PRH1: variants seen among roughly 807,000 people sequenced by gnomAD.
PRH1 encodes proline rich protein HaeIII subfamily 1.
In PRH1, 7 loss-of-function variants were observed where a neutral mutation model predicts 7.9. That is an observed-to-expected ratio of 0.89 (90% CI 0.50 to 1.67). The LOEUF (loss-of-function observed/expected upper bound fraction) is 1.67. PRH1 is among the 40% of genes most tolerant of loss of function. The pLI is 0.00. For missense variants in PRH1, 109 were observed against 223.6 expected (o/e 0.49, Z 3.27); for synonymous variants, 45 against 80.8 (o/e 0.56, Z 2.38).
chr12:11,068,671 A>T (rs187713403), intron 1 of PRH1, among the ~76,000 whole-genome samples: 6 of 152,334 alleles, frequency 3.9e-5, no homozygotes, highest in Admixed American at 3.9e-4. Context: ...CTACCTGTAC[A>T]ACTGCAAGTA....
chr12:10,928,988 T>C (rs1299040836), intron 2 of PRH1, among the ~76,000 whole-genome samples: 1 of 152,212 alleles, frequency 6.6e-6, no homozygotes, highest in Non-Finnish European at 1.5e-5. Context: ...ACTGTGCTGA[T>C]TGCTTGGACA....
chr12:10,985,905 A>G, intron 1 of PRH1: 1 of 1,502,722 alleles, frequency 6.7e-7, no homozygotes, highest in Non-Finnish European at 9.0e-7. Flanking sequence ...CTCCTAGAAT[A>G]CACACACAAT....
intron 1 of PRH1, among the ~76,000 whole-genome samples, chr12:11,158,053 C>T (rs559089993): frequency 9.8e-5 from 15 of 152,316 alleles, no homozygotes; most frequent in African/African-American, 3.4e-4. Flanking sequence ...AACCAACATA[C>T]TTCCCATGAT....
At chr12:11,153,156 T>C (rs546313454) in intron 1 of PRH1, among the ~76,000 whole-genome samples, 2 of 152,270 alleles carry the variant, frequency 1.3e-5, no homozygotes, top group South Asian at 2.1e-4. Flanking sequence ...CCATAGAACA[T>C]TTTAGTGAAC....
At chr12:10,917,220 T>C (rs1031955717) in intron 2 of PRH1, among the ~76,000 whole-genome samples, 1 of 152,188 alleles carries the variant, frequency 6.6e-6, no homozygotes, top group Admixed American at 6.5e-5. Context: ...ATGAATTCCA[T>C]AGTTAATACC....
chr12:11,036,202 T>A (rs954771920), intron 1 of PRH1, among the ~76,000 whole-genome samples: 17 of 152,220 alleles, frequency 1.1e-4, no homozygotes, highest in African/African-American at 4.1e-4. Flanking sequence ...CTATGCTGTT[T>A]TAATTAGCAG....
At chr12:11,083,304 T>C (rs1944553771) in intron 1 of PRH1, among the ~76,000 whole-genome samples, 1 of 142,986 alleles carries the variant, frequency 7.0e-6, no homozygotes, top group Admixed American at 7.1e-5. Flanking sequence ...AAGAATAACA[T>C]TAAGAAAGTG....
intron 1 of PRH1, among the ~76,000 whole-genome samples, chr12:11,110,319 C>T (rs866296468): frequency 8.5e-5 from 13 of 152,210 alleles, no homozygotes; most frequent in Middle Eastern, 3.4e-3. Context: ...ATACAGAGAA[C>T]ACCACAAAGA....
Position 10,882,540 on chromosome 12 carries a change from G to C in PRH1, c.259C>G (p.Pro87Ala), listed in dbSNP as rs750991518. ...GGTGGTCCTTGTGGCTTTCCCTGAG[G>C]AGGTGGTGGACCTTGTTGCTGCTGG... The part of the protein sequence containing the change: ...GGQQQQGPPP[P>A]QGKPQGPPQQ... Residue 87 changes from proline to alanine, a missense_variant, in exon 3 of 4, where the codon CCT becomes GCT. Around this residue, in one of 3 missense-constraint regions of PRH1, gnomAD observed 4 missense variants for 58.3 expected, o/e 0.07. Coordinates refer to ENST00000543626, the MANE Select transcript of PRH1 (RefSeq NM_001393989.1). 11 of 1,567,268 alleles carry C rather than the reference G, an allele frequency of 7.0e-6. No individual in the cohort carries two copies. The African/African-American group carries it at 1.6e-4, about 22-fold the overall frequency.
At chr12:11,139,374 C>G (rs1946643937) in intron 1 of PRH1, among the ~76,000 whole-genome samples, 1 of 152,166 alleles carries the variant, frequency 6.6e-6, no homozygotes, top group African/African-American at 2.4e-5. Flanking sequence ...TTTATTTCCT[C>G]CCTCCTGATT....
intron 1 of PRH1, chr12:11,077,432 A>G: frequency 1.5e-6 from 1 of 662,112 alleles, no homozygotes. Flanking sequence ...AATGAAGGAT[A>G]CATGATTCCA....
intron 1 of PRH1, among the ~76,000 whole-genome samples, chr12:11,067,456 G>T (rs554654060): frequency 1.8e-4 from 27 of 152,024 alleles, no homozygotes; most frequent in Admixed American, 1.0e-3. Context: ...AAGAAAAAAG[G>T]TGTTTAGCTG....
intron 1 of PRH1, among the ~76,000 whole-genome samples, chr12:11,142,253 A>T (rs1348578158): frequency 2.0e-5 from 3 of 152,228 alleles, no homozygotes; most frequent in Non-Finnish European, 4.4e-5. Context: ...CAGCACAAGG[A>T]GAGTCTTTAT....
At chr12:10,895,468 C>T (rs1171459830) in intron 2 of PRH1, 3 of 152,110 alleles carry the variant, frequency 2.0e-5, no homozygotes, top group Non-Finnish European at 2.9e-5. Context: ...AGAAAGAGAT[C>T]GTTGCCTCTA....
At chr12:10,986,461 A>G in intron 1 of PRH1, 1 of 1,614,096 alleles carries the variant, frequency 6.2e-7, no homozygotes, top group Non-Finnish European at 8.5e-7. Context: ...AAAGTCCCCA[A>G]CAGTATCACC....
chr12:11,031,849 T>C (rs1942239244), intron 1 of PRH1, among the ~76,000 whole-genome samples: 2 of 152,328 alleles, frequency 1.3e-5, no homozygotes, highest in East Asian at 1.9e-4. Flanking sequence ...TCAGAAAGTA[T>C]AGCTCGCTTC....
chr12:11,127,319 G>A (rs982569545), intron 1 of PRH1, among the ~76,000 whole-genome samples: 1 of 151,476 alleles, frequency 6.6e-6, no homozygotes, highest in Non-Finnish European at 1.5e-5. Flanking sequence ...CTTGTTTAAT[G>A]TCTCCATAAT....
intron 2 of PRH1, among the ~76,000 whole-genome samples, chr12:10,961,009 T>C (rs1026404455): frequency 3.3e-5 from 5 of 152,198 alleles, no homozygotes; most frequent in Non-Finnish European, 1.5e-5. Flanking sequence ...CCAAAGGCCA[T>C]TGGTCTCAAG....
At chr12:11,093,376 C>A (rs897077791) in intron 1 of PRH1, among the ~76,000 whole-genome samples, 1 of 115,780 alleles carries the variant, frequency 8.6e-6, no homozygotes, top group African/African-American at 2.9e-5. Context: ...TTCACAAACT[C>A]ATAAATATGC....
Sources: allele counts gnomAD v4.1 joint callset (sites outside exome capture counted in the v4.1 genomes callset), GRCh38; gene constraint gnomAD v4.1.1; regional missense constraint gnomAD v4.1.1; transcripts MANE v1.5; gene names NCBI Gene and HGNC (gene_info 2026-07-23, HGNC 2026-07-21).